NOC2L: variants seen among roughly 807,000 people sequenced by gnomAD.
The protein encoded by NOC2L is nucleolar complex protein 2 homolog.
NOC2L carries 101 observed loss-of-function variants against 94.2 expected under a neutral mutation model. The observed-to-expected ratio is 1.07, with a 90% confidence interval of 0.91 to 1.26. NOC2L has a LOEUF of 1.26. Ranked by LOEUF, NOC2L falls within the 50% of genes most tolerant of loss-of-function variation. The probability of loss-of-function intolerance (pLI) is 0.00; values close to 1 mark genes in which losing one functional copy is unlikely to be tolerated. For synonymous variants in NOC2L, 531 were observed against 413.4 expected (o/e 1.28, Z -3.45); for missense variants, 1,076 against 980.1 (o/e 1.10, Z -1.31).
rs113054826 is a variant in NOC2L, at chr1:952,670, C to T, written c.1003-70G>A. ...CACCTCCACCGCCCACTCCAGGGCC[C>T]CTGTGAACACCTGGGCCTTTCCCTC... On this transcript the variant is annotated intron_variant, in intron 9 of 18. Transcript: ENST00000327044. 83 of 1,443,582 alleles carry T rather than the reference C, an allele frequency of 5.7e-5. No individual in the cohort carries two copies. In the African/African-American group the frequency reaches 9.4e-4, roughly 16 times the overall value. The allele number at this position is 1,443,582 out of a possible 1,614,324, so 89.4% of individuals were successfully genotyped here. A position where few individuals can be genotyped will look rare whatever the true frequency, so the allele number is the denominator to read the frequency against.
intron 6 of NOC2L, among the ~76,000 whole-genome samples, chr1:955,406 C>A (rs565755119): frequency 2.8e-4 from 42 of 152,378 alleles, no homozygotes; most frequent in African/African-American, 8.7e-4. Context: ...GTGCTCCATG[C>A]TCTACCAAAT....
At position 945,573 on chromosome 1, in the gene NOC2L, G is replaced by A. The variant is rs138129954; in HGVS notation, c.1998C>T (p.Asp666=). The change falls in exon 17 of 19, where the codon GAC becomes GAT. Residue 666 remains aspartate (D), a synonymous_variant. Coordinates refer to ENST00000327044, the MANE Select transcript of NOC2L (RefSeq NM_015658.4). ...RKDEDRKQFK[D]LFDLNSSEED... The stretch of plus-strand genomic sequence containing the variant: ...CTTCAGAGCTGTTCAGGTCAAAGAG[G>A]TCTTTAAATTGCTTCCTGTCCTCAT... 8.5e-4 allele frequency: 1,377 copies of A among 1,614,120 alleles called. 14 individuals are homozygous for A. In the South Asian group the frequency reaches 0.014, roughly 16 times the overall value.
intron 12 of NOC2L, among the ~76,000 whole-genome samples, chr1:950,174 G>T (rs1352265672): frequency 1.4e-5 from 2 of 139,062 alleles, no homozygotes; most frequent in African/African-American, 5.5e-5. Context: ...ACAAGCAGAC[G>T]TGCATGCATG....
intron 14 of NOC2L, among the ~76,000 whole-genome samples, chr1:947,641 C>A (rs1333025440): frequency 6.6e-6 from 1 of 152,254 alleles, no homozygotes; most frequent in Non-Finnish European, 1.5e-5. Flanking sequence ...TCCTCCACCC[C>A]ACTCCTGCCT....
chr1:951,585 C>G (rs1002683599), intron 11 of NOC2L, among the ~76,000 whole-genome samples: 1 of 152,210 alleles, frequency 6.6e-6, no homozygotes, highest in Non-Finnish European at 1.5e-5. Context: ...CCAAAGAGGC[C>G]ACAGTACTGC....
intron 4 of NOC2L, among the ~76,000 whole-genome samples, 164 bp from the exon 5 acceptor site, chr1:956,379 A>G (rs186992254): frequency 6.6e-6 from 1 of 152,190 alleles, no homozygotes; most frequent in East Asian, 1.9e-4. Context: ...ATGGAAACAA[A>G]GTCTAGAATT....
chr1:949,607 G>A (rs1226574259), intron 12 of NOC2L, among the ~76,000 whole-genome samples: 1 of 152,242 alleles, frequency 6.6e-6, no homozygotes, highest in African/African-American at 2.4e-5. Flanking sequence ...CCAGGGCAGT[G>A]CACAAGTGAA....
rs561856258 is a variant in NOC2L, at chr1:948,129, A to G, written c.1659+2T>C. 2 of 1,579,440 alleles carry G rather than the reference A, an allele frequency of 1.3e-6. No individual in the cohort carries two copies. The highest frequency in any genetic ancestry group is 1.2e-5 in the South Asian group (1 of 86,612). The stretch of plus-strand genomic sequence containing the variant: ...ACGAGCCGGTGTGGGCAGGACACAC[A>G]CCTGCAGGACCACAGGCAGCACCAG... On this transcript the variant is annotated splice_donor_variant, in intron 14 of 18. Transcript: ENST00000327044. LOFTEE classifies it high-confidence loss of function.
At position 944,692 on chromosome 1, in the gene NOC2L, C is replaced by A; in HGVS notation, c.*2G>T. On this transcript the variant is annotated 3_prime_UTR_variant, in exon 19 of 19. Coordinates refer to ENST00000327044, the MANE Select transcript of NOC2L (RefSeq NM_015658.4). Reference sequence around the variant, plus strand: ...CCCTACAGGCCCCCCAGATGGGCTGCCTCAGTCGTCCTCTGAGAGCTGCAG... The same window carrying A: ...CCCTACAGGCCCCCCAGATGGGCTGACTCAGTCGTCCTCTGAGAGCTGCAG... 2.5e-6 allele frequency: 4 copies of A among 1,587,040 alleles called. No individual in the cohort carries two copies. Among genetic ancestry groups the A allele is most frequent in the South Asian group, 2.2e-5 (2 of 90,052 alleles).
At chr1:956,280 G>T in intron 4 of NOC2L, 65 bp from the exon 5 acceptor site, 1 of 1,594,104 alleles carries the variant, frequency 6.3e-7, no homozygotes, top group South Asian at 1.1e-5. Context: ...AGTGGAAACG[G>T]CAGCCCCAGA....
chr1:956,038 C>T (rs1642391792), intron 5 of NOC2L, 25 bp from the exon 6 acceptor site: 3 of 1,614,046 alleles, frequency 1.9e-6, no homozygotes, highest in Middle Eastern at 1.6e-4. Context: ...CCTGGATGTA[C>T]TCACGGGACA....
chr1:954,298 T>C (rs1255999696), intron 6 of NOC2L: 2 of 535,902 alleles, frequency 3.7e-6, no homozygotes, highest in Non-Finnish European at 3.3e-6. Context: ...TTCAGTGGCC[T>C]TGAACTCCTG....
rs1284000504 is a variant in NOC2L at position 946,425 on chromosome 1, C to T, written c.1780G>A (p.Gly594Ser). 5.0e-6 allele frequency: 8 copies of T among 1,613,412 alleles called. No homozygotes were observed. The highest frequency in any genetic ancestry group is 4.0e-5 in the African/African-American group (3 of 74,920). The change falls in exon 15 of 19, where the codon GGC (glycine) becomes AGC (serine). Residue 594 changes from glycine (G) to serine (S), a missense_variant. By Grantham distance (56) the Gly-to-Ser change is moderately conservative. Around this residue, in one of 3 missense-constraint regions of NOC2L, gnomAD observed 615 missense variants for 577.4 expected, o/e 1.07. Transcript: ENST00000327044. ...ACCACTGCCTGCTGCTCAGAGACGCCGAAGGAAACCCTCTGGCGGCGGCTG... is the reference window on the plus strand; with the variant it reads ...ACCACTGCCTGCTGCTCAGAGACGCTGAAGGAAACCCTCTGGCGGCGGCTG... ...ICSRRQRVSF[G>S]VSEQQAVEAW...
In NOC2L at chr1:952,035, G is replaced by A; in HGVS notation, c.1296C>T (p.Val432=). Residue 432 remains valine (V), a synonymous_variant, in exon 11 of 19, where the codon GTC becomes GTT. Coordinates refer to ENST00000327044, the MANE Select transcript of NOC2L (RefSeq NM_015658.4). ...CAATGATGACTTGGGCAAGGGGGTAGACCAAGGGCTGGAGGGCTTCGCTGG... is the reference window on the plus strand; with the variant it reads ...CAATGATGACTTGGGCAAGGGGGTAAACCAAGGGCTGGAGGGCTTCGCTGG... ...AGPSEALQPL[V]YPLAQVIIGC... is the part of the protein sequence containing the mutation. 6.2e-7 allele frequency: 1 copy of A among 1,613,508 alleles called. No homozygotes were observed. The highest frequency in any genetic ancestry group is 8.5e-7 in the Non-Finnish European group (1 of 1,179,808).
At chr1:946,733 G>A (rs1217019283) in intron 14 of NOC2L, 188 bp from the exon 15 acceptor site, 2 of 644,210 alleles carry the variant, frequency 3.1e-6, no homozygotes, top group Non-Finnish European at 5.3e-6. Flanking sequence ...CCCACCCTCT[G>A]GGCCAACCCT....
chr1:952,684 G>A (rs994410162), intron 9 of NOC2L, 84 bp from the exon 10 acceptor site: 7 of 1,377,350 alleles, frequency 5.1e-6, no homozygotes, highest in Non-Finnish European at 6.2e-6. Flanking sequence ...TGAACACCTG[G>A]GCCTTTCCCT....
chr1:955,485 G>C (rs1176735925), intron 6 of NOC2L, among the ~76,000 whole-genome samples: 1 of 152,190 alleles, frequency 6.6e-6, no homozygotes, highest in African/African-American at 2.4e-5. Context: ...TCTCTAAAGG[G>C]GAAGTTGAGG....
chr1:946,347 G>T, intron 15 of NOC2L, 55 bp downstream of exon 15: 1 of 1,612,162 alleles, frequency 6.2e-7, no homozygotes, highest in South Asian at 1.1e-5. Context: ...ACATGTAGCT[G>T]GGGCTATACC....
chr1:954,041 C>A lies in NOC2L; in HGVS notation c.740G>T (p.Arg247Leu), dbSNP rs3828050. Residue 247 changes from arginine (R) to leucine (L), a missense_variant, in exon 7 of 19, where the codon CGT (arginine) becomes CTT (leucine). Physicochemically the swap from Arg to Leu is moderately radical, Grantham distance 102. Around this residue, in one of 3 missense-constraint regions of NOC2L, gnomAD observed 457 missense variants for 386.0 expected, o/e 1.18. Transcript: ENST00000327044. ...PSSSPLWGKL[R>L]VDIKAYLGSA... ...GCCCAGGTAAGCCTTGATGTCCACACGAAGCTTCCCCCAGAGCGGGCTGCT... is the reference window on the plus strand; with the variant it reads ...GCCCAGGTAAGCCTTGATGTCCACAAGAAGCTTCCCCCAGAGCGGGCTGCT... The A allele has an allele frequency of 5.6e-6, 9 of 1,608,400 alleles. No individual in the cohort carries two copies. Among genetic ancestry groups the A allele is most frequent in the Admixed American group, 1.7e-5 (1 of 59,640 alleles).
Sources: gnomAD v4.1 joint callset for allele counts (sites outside exome capture counted in the v4.1 genomes callset) on GRCh38, gnomAD v4.1.1 for gene constraint, gnomAD v4.1.1 regional missense constraint, MANE v1.5 for transcripts, NCBI Gene and HGNC (gene_info 2026-07-23, HGNC 2026-07-21) for gene names.